Variants in GRIK2 observed in about 807,000 individuals in gnomAD.
The protein encoded by GRIK2 is glutamate ionotropic receptor kainate type subunit 2.
GRIK2 carries 32 observed loss-of-function variants against 100.3 expected under a neutral mutation model. That is an observed-to-expected ratio of 0.32 (90% CI 0.24 to 0.43). The LOEUF (loss-of-function observed/expected upper bound fraction) is 0.43, where lower values mean the gene tolerates loss of function less well. GRIK2 is among the 20% of genes least tolerant of loss of function. GRIK2 has a pLI of 1.00. For synonymous variants in GRIK2, 417 were observed against 389.4 expected (o/e 1.07, Z -0.83); for missense variants, 843 against 1,114.9 (o/e 0.76, Z 3.47).
intron 2 of GRIK2, among the ~76,000 whole-genome samples, chr6:101,510,293 G>T (rs1196342150): frequency 6.6e-5 from 10 of 152,044 alleles, no homozygotes; most frequent in African/African-American, 2.2e-4. Flanking sequence ...GAGATGGGAG[G>T]CTTATCATGC....
At chr6:101,738,949 G>T (rs9390773) in intron 7 of GRIK2, among the ~76,000 whole-genome samples, 17,582 of 152,122 alleles carry the variant, frequency 0.12, 1,355 homozygotes, top group East Asian at 0.26. Context: ...CAGGAGCAAG[G>T]GTTCTAAAGC....
rs1169900196 is a variant in GRIK2 at position 101,866,805 on chromosome 6, C to T, written c.1524+7312C>T. Among the ~76,000 whole-genome samples the T allele has an allele frequency of 3.3e-5, 5 of 151,874 alleles. 1 individual carries two copies. The highest frequency in any genetic ancestry group is 1.2e-4 in the African/African-American group (5 of 41,346). ...CCTTCTTTGAATTCCCCATTTACTTCATTCCTTCTTATTAACATATAGTAA... is the reference window on the plus strand; with the variant it reads ...CCTTCTTTGAATTCCCCATTTACTTTATTCCTTCTTATTAACATATAGTAA... On this transcript the variant is annotated intron_variant, in intron 11 of 16. Transcript: ENST00000369134.
intron 2 of GRIK2, among the ~76,000 whole-genome samples, chr6:101,514,434 G>C (rs565903459): frequency 1.3e-5 from 2 of 152,166 alleles, no homozygotes; most frequent in Admixed American, 1.3e-4. Context: ...ACAGGGAAGG[G>C]AGAGGGGGAT....
intron 5 of GRIK2, among the ~76,000 whole-genome samples, chr6:101,680,520 G>A (rs1469914862): frequency 2.0e-5 from 3 of 152,098 alleles, no homozygotes; most frequent in African/African-American, 7.2e-5. Context: ...GAACATAATA[G>A]TAGGACTGAC....
chr6:101,962,328 C>T (rs1003822171), intron 14 of GRIK2, among the ~76,000 whole-genome samples: 7 of 26,278 alleles, frequency 2.7e-4, no homozygotes, highest in African/African-American at 1.4e-3. Context: ...CTCTAGTCAG[C>T]CATCTTGAAA....
chr6:101,849,499 A>T (rs1490976818), intron 10 of GRIK2, among the ~76,000 whole-genome samples: 1 of 152,054 alleles, frequency 6.6e-6, no homozygotes, highest in Non-Finnish European at 1.5e-5. Context: ...TAATTGTTCC[A>T]CTATTTCTGT....
chr6:101,878,056 T>C (rs564979201), intron 11 of GRIK2, among the ~76,000 whole-genome samples: 1 of 146,686 alleles, frequency 6.8e-6, no homozygotes, highest in Admixed American at 7.1e-5. Context: ...ATGAAGTGCT[T>C]AGAATCGTGC....
At chr6:101,708,881 T>G (rs1018751990) in intron 7 of GRIK2, among the ~76,000 whole-genome samples, 1 of 151,738 alleles carries the variant, frequency 6.6e-6, no homozygotes, top group Non-Finnish European at 1.5e-5. Flanking sequence ...GAATGTGATT[T>G]CAATTGGAAA....
At chr6:102,068,296 G>C in intron 16 of GRIK2, 51 bp from the exon 17 acceptor site, 1 of 1,322,140 alleles carries the variant, frequency 7.6e-7, no homozygotes, top group Non-Finnish European at 1.1e-6. Context: ...ATCTTGGACA[G>C]TTACAGTTTA....
At chr6:101,537,447 T>C (rs1032143501) in intron 2 of GRIK2, among the ~76,000 whole-genome samples, 1 of 71,046 alleles carries the variant, frequency 1.4e-5, no homozygotes, top group East Asian at 4.5e-4. Flanking sequence ...TGTGTTTGTG[T>C]GTGTGTGCGT....
intron 10 of GRIK2, among the ~76,000 whole-genome samples, chr6:101,853,018 T>C (rs551721713): frequency 3.3e-5 from 5 of 152,322 alleles, no homozygotes; most frequent in South Asian, 2.1e-4. Context: ...CTTTTACTTA[T>C]GTTAAGCTCA....
chr6:101,919,264 A>G (rs1420918734), intron 12 of GRIK2, among the ~76,000 whole-genome samples: 2 of 151,852 alleles, frequency 1.3e-5, no homozygotes, highest in Non-Finnish European at 2.9e-5. Context: ...AAGTAGAGAC[A>G]GTTTTAGAAA....
Position 102,068,469 on chromosome 6 carries a change from A to C in GRIK2, c.2685A>C (p.Thr895=), listed in dbSNP as rs753744237. The C allele has an allele frequency of 5.0e-6, 8 of 1,612,056 alleles. No homozygotes were observed. The highest frequency in any genetic ancestry group is 6.8e-6 in the Non-Finnish European group (8 of 1,178,668). The change falls in exon 17 of 17, where the codon ACA becomes ACC. Residue 895 remains threonine (T), a synonymous_variant. Coordinates refer to ENST00000369134, the MANE Select transcript of GRIK2 (RefSeq NM_021956.5). ...VKTEEVINMH[T]FNDRRLPGKE... is the part of the protein sequence containing the mutation. ...CAGAAGAAGTTATCAACATGCACAC[A>C]TTTAACGACAGAAGGTTGCCAGGTA...
chr6:101,953,769 A>G (rs2128480071), intron 14 of GRIK2, among the ~76,000 whole-genome samples: 1 of 152,228 alleles, frequency 6.6e-6, no homozygotes, highest in African/African-American at 2.4e-5. Context: ...AATGACATTT[A>G]TTATAATTAT....
chr6:101,795,907 C>T (rs117607217), intron 7 of GRIK2, among the ~76,000 whole-genome samples: 413 of 152,314 alleles, frequency 2.7e-3, no homozygotes, highest in Non-Finnish European at 4.3e-3. Context: ...TACAAATATG[C>T]ATTTACCAGT....
intron 7 of GRIK2, among the ~76,000 whole-genome samples, chr6:101,692,067 A>AAAAAAAAAAAAAAAAAAAAAAAAAAG (rs1772146800): frequency 6.9e-6 from 1 of 145,344 alleles, no homozygotes; most frequent in African/African-American, 2.6e-5. Flanking sequence ...AAAAAAAAAA[A>AAAAAAAAAAAAAAAAAAAAAAAAAAG]GCAATGGAAA....
intron 14 of GRIK2, among the ~76,000 whole-genome samples, chr6:102,017,651 C>G (rs1236324236): frequency 6.6e-6 from 1 of 152,006 alleles, no homozygotes; most frequent in Non-Finnish European, 1.5e-5. Flanking sequence ...TTTTGCTATT[C>G]TTATTCTGTG....
At chr6:101,460,397 G>C (rs530993496) in intron 2 of GRIK2, among the ~76,000 whole-genome samples, 46 of 152,256 alleles carry the variant, frequency 3.0e-4, no homozygotes, top group Admixed American at 5.9e-4. Context: ...TGTTATTTCT[G>C]AATTGGGAAG....
At chr6:101,591,746 C>A (rs1287664096) in intron 2 of GRIK2, among the ~76,000 whole-genome samples, 2 of 151,892 alleles carry the variant, frequency 1.3e-5, no homozygotes, top group African/African-American at 4.8e-5. Context: ...TAACAATTAA[C>A]CTTAATTGAG....
Sources: allele counts gnomAD v4.1 joint callset (sites outside exome capture counted in the v4.1 genomes callset), GRCh38; gene constraint gnomAD v4.1.1; transcripts MANE v1.5; gene names NCBI Gene and HGNC (gene_info 2026-07-23, HGNC 2026-07-21).